ZMPSTE24: variants seen among roughly 807,000 people sequenced by gnomAD.
The protein encoded by ZMPSTE24 is CAAX prenyl protease 1 homolog.
Under a neutral mutation model 56.7 loss-of-function variants are expected in ZMPSTE24, and 48 were observed. The ratio of observed to expected loss-of-function variants is 0.85; its 90% CI spans 0.67 to 1.08. The LOEUF is 1.08. ZMPSTE24 is among the 50% of genes least tolerant of loss of function. The probability of loss-of-function intolerance (pLI) is 0.00; values close to 1 mark genes in which losing one functional copy is unlikely to be tolerated. For synonymous variants in ZMPSTE24, 172 were observed against 195.2 expected (o/e 0.88, Z 0.99); for missense variants, 503 against 548.7 (o/e 0.92, Z 0.83).
At chr1:40,273,815 C>T (rs1278812634) in intron 6 of ZMPSTE24, among the ~76,000 whole-genome samples, 2 of 151,380 alleles carry the variant, frequency 1.3e-5, no homozygotes, top group Non-Finnish European at 2.9e-5. Context: ...CCTTAAGTTA[C>T]AATCAGATAA....
intron 2 of ZMPSTE24, chr1:40,262,720 C>T: frequency 1.6e-6 from 1 of 642,738 alleles, no homozygotes. Flanking sequence ...TAATATTTTG[C>T]ATGTTTTCCC....
intron 6 of ZMPSTE24, among the ~76,000 whole-genome samples, chr1:40,278,375 G>A (rs1026535110): frequency 1.3e-5 from 2 of 151,534 alleles, no homozygotes; most frequent in Admixed American, 6.6e-5. Context: ...TGGCTAACAC[G>A]GTGAAACCCC....
At chr1:40,271,519 A>G (rs1049498540) in intron 5 of ZMPSTE24, among the ~76,000 whole-genome samples, 2 of 152,242 alleles carry the variant, frequency 1.3e-5, no homozygotes, top group Non-Finnish European at 2.9e-5. Flanking sequence ...CTTCAGGTCT[A>G]TTGTGATTAC....
chr1:40,290,218 T>A (rs1398682554), intron 8 of ZMPSTE24, among the ~76,000 whole-genome samples: 1 of 151,564 alleles, frequency 6.6e-6, no homozygotes, highest in Non-Finnish European at 1.5e-5. Flanking sequence ...ACCCCGTCTC[T>A]TCTAAAAATA....
chr1:40,261,086 C>T, intron 2 of ZMPSTE24, 101 bp downstream of exon 2: 1 of 1,403,934 alleles, frequency 7.1e-7, no homozygotes, highest in Non-Finnish European at 1.0e-6. Context: ...TCCCAGAATG[C>T]TTTCTTAACC....
intron 2 of ZMPSTE24, among the ~76,000 whole-genome samples, chr1:40,261,362 T>C (rs914367549): frequency 9.9e-5 from 15 of 152,282 alleles, no homozygotes; most frequent in Admixed American, 2.6e-4. Context: ...TTTTTTTTTT[T>C]TTCTTCTGGC....
chr1:40,258,395 G>T lies in ZMPSTE24; in HGVS notation c.123+1G>T. The T allele has an allele frequency of 6.2e-7, 1 of 1,614,038 alleles. No homozygotes were observed. Among genetic ancestry groups the T allele is most frequent in the Non-Finnish European group, 8.5e-7 (1 of 1,180,022 alleles). ...GGAGACCTTCCTAGCACAGCGGCAG[G>T]TGAGCCTAGACAGGGTCCAACCTGA... On this transcript the variant is annotated splice_donor_variant, in intron 1 of 9. Coordinates refer to ENST00000372759, the MANE Select transcript of ZMPSTE24 (RefSeq NM_005857.5). LOFTEE classifies it high-confidence loss of function.
At chr1:40,289,964 T>G (rs143922900) in intron 8 of ZMPSTE24, among the ~76,000 whole-genome samples, 1,698 of 152,300 alleles carry the variant, frequency 0.011, 18 homozygotes, top group South Asian at 0.018. Context: ...AGAGAAAATA[T>G]CCCATTGCTA....
At chr1:40,266,990 A>G (rs1220979192) in intron 2 of ZMPSTE24, among the ~76,000 whole-genome samples, 1 of 146,294 alleles carries the variant, frequency 6.8e-6, no homozygotes, top group African/African-American at 2.5e-5. Context: ...CTGGTCTCGA[A>G]TTCCTGAGCA....
intron 7 of ZMPSTE24, among the ~76,000 whole-genome samples, chr1:40,282,189 G>A (rs1643737504): frequency 6.6e-6 from 1 of 152,184 alleles, no homozygotes; most frequent in African/African-American, 2.4e-5. Context: ...CTACTGTCAA[G>A]CTTTAGATTC....
chr1:40,280,784 C>T (rs1486335772), intron 6 of ZMPSTE24, among the ~76,000 whole-genome samples: 1 of 152,114 alleles, frequency 6.6e-6, no homozygotes, highest in Non-Finnish European at 1.5e-5. Context: ...AAATAAACAG[C>T]AAGTAATGTC....
chr1:40,292,670 G>C lies in ZMPSTE24; in HGVS notation c.*1G>C. 5 of 1,611,338 alleles carry C rather than the reference G, an allele frequency of 3.1e-6. No homozygotes were observed. Among genetic ancestry groups the C allele is most frequent in the Non-Finnish European group, 4.2e-6 (5 of 1,177,602 alleles). ...TTTGAAAACTATGAAGCAACACTGA[G>C]ATGTCCAGGATCTGTGACTGAAGAC... On this transcript the variant is annotated 3_prime_UTR_variant, in exon 10 of 10. Coordinates refer to ENST00000372759, the MANE Select transcript of ZMPSTE24 (RefSeq NM_005857.5).
intron 4 of ZMPSTE24, 23 bp downstream of exon 4, chr1:40,268,558 T>A (rs1294568955): frequency 1.4e-6 from 2 of 1,473,646 alleles, no homozygotes; most frequent in Non-Finnish European, 1.9e-6. Context: ...ATACAAATGT[T>A]CTCTTTTAAA....
chr1:40,264,427 T>A (rs936656243), intron 2 of ZMPSTE24, among the ~76,000 whole-genome samples: 2 of 152,190 alleles, frequency 1.3e-5, no homozygotes, highest in Non-Finnish European at 2.9e-5. Flanking sequence ...ATAGCGTAAA[T>A]GAAGCTCAAT....
At chr1:40,267,193 A>G (rs1380590740) in intron 2 of ZMPSTE24, among the ~76,000 whole-genome samples, 1 of 152,082 alleles carries the variant, frequency 6.6e-6, no homozygotes, top group African/African-American at 2.4e-5. Context: ...ATACCATACA[A>G]TTCATCCATA....
chr1:40,285,799 A>G (rs1182104491), intron 7 of ZMPSTE24, 126 bp from the exon 8 acceptor site: 2 of 748,090 alleles, frequency 2.7e-6, no homozygotes, highest in East Asian at 2.9e-5. Flanking sequence ...TTGTTAAGAC[A>G]ATCAACAGTT....
chr1:40,282,809 C>G (rs1643743928), intron 7 of ZMPSTE24, among the ~76,000 whole-genome samples: 1 of 152,162 alleles, frequency 6.6e-6, no homozygotes, highest in African/African-American at 2.4e-5. Context: ...GGCCATTTCC[C>G]CTACAACCTC....
intron 1 of ZMPSTE24, among the ~76,000 whole-genome samples, chr1:40,260,046 A>ATCTT (rs1643479404): frequency 7.9e-6 from 1 of 126,178 alleles, no homozygotes. Context: ...GAGATAGTTG[A>ATCTT]TCTTTCTCCT....
At chr1:40,264,923 T>C (rs1374368467) in intron 2 of ZMPSTE24, among the ~76,000 whole-genome samples, 1 of 150,078 alleles carries the variant, frequency 6.7e-6, no homozygotes, top group Non-Finnish European at 1.5e-5. Context: ...ATAATATATG[T>C]CAAAGCGCTG....
Sources: allele counts gnomAD v4.1 joint callset (sites outside exome capture counted in the v4.1 genomes callset), GRCh38; gene constraint gnomAD v4.1.1; transcripts MANE v1.5; gene names NCBI Gene and HGNC (gene_info 2026-07-23, HGNC 2026-07-21).